FHIT: variants seen among roughly 807,000 people sequenced by gnomAD.
FHIT encodes the protein fragile histidine triad diadenosine triphosphatase.
In FHIT, 19 loss-of-function variants were observed where a neutral mutation model predicts 17.9. The ratio of observed to expected loss-of-function variants is 1.06; its 90% CI spans 0.74 to 1.56. The LOEUF (loss-of-function observed/expected upper bound fraction) is 1.56. FHIT is among the 40% of genes most tolerant of loss of function. The pLI is 0.00. For missense variants in FHIT, 248 were observed against 189.2 expected (o/e 1.31, Z -1.82); for synonymous variants, 81 against 69.7 (o/e 1.16, Z -0.81).
chr3:61,098,987 T>C (rs924957493), intron 2 of FHIT, among the ~76,000 whole-genome samples: 1 of 152,226 alleles, frequency 6.6e-6, no homozygotes, highest in Middle Eastern at 3.2e-3. Context: ...AGGGCATCGT[T>C]GTCTTATGCT....
In FHIT at chr3:60,002,791, C is replaced by T. The variant is rs540153227; in HGVS notation, c.279+8580G>A. Among the ~76,000 whole-genome samples the T allele has an allele frequency of 8.5e-5, 13 of 152,190 alleles. 1 individual carries two copies. Among genetic ancestry groups the T allele is most frequent in the East Asian group, 7.7e-4 (4 of 5,176 alleles). On this transcript the variant is annotated intron_variant, in intron 7 of 9. Transcript: ENST00000492590. ...CTTTGGCATAAAGGGTAAAGAGAAG[C>T]GCCTGAGGGGACTGAATAATTTGAG...
intron 2 of FHIT, among the ~76,000 whole-genome samples, chr3:61,155,964 G>T (rs2037522651): frequency 6.6e-6 from 1 of 152,112 alleles, no homozygotes; most frequent in African/African-American, 2.4e-5. Context: ...TAAAATGTTG[G>T]TATGTGCTAG....
At chr3:59,978,734 T>C (rs997070948) in intron 7 of FHIT, among the ~76,000 whole-genome samples, 1 of 149,636 alleles carries the variant, frequency 6.7e-6, no homozygotes, top group African/African-American at 2.5e-5. Context: ...TTTCAAAGTG[T>C]CCCTCCTGCC....
At chr3:60,472,188 G>A (rs963983948) in intron 5 of FHIT, among the ~76,000 whole-genome samples, 1 of 151,198 alleles carries the variant, frequency 6.6e-6, no homozygotes, top group Admixed American at 6.6e-5. Flanking sequence ...ACAACAGCAA[G>A]AGGAAAGATA....
At chr3:59,945,443 C>T (rs879743222) in intron 7 of FHIT, among the ~76,000 whole-genome samples, 4 of 151,886 alleles carry the variant, frequency 2.6e-5, no homozygotes, top group Non-Finnish European at 5.9e-5. Context: ...GCATAGTTTG[C>T]AAATATTTTC....
rs151301579 is a variant in FHIT at position 60,407,631 on chromosome 3, C to T, written c.103+129229G>A. 4.0e-3 allele frequency among the ~76,000 whole-genome samples: 606 copies of T among 152,272 alleles called. 2 individuals are homozygous for T. Among genetic ancestry groups the T allele is most frequent in the South Asian group, 0.018 (89 of 4,824 alleles). ...CACAGTTCAAGCGATCCTCCTATCTCGGCCTCCCAAATAGCTGGGATTACA... is the reference window on the plus strand; with the variant it reads ...CACAGTTCAAGCGATCCTCCTATCTTGGCCTCCCAAATAGCTGGGATTACA... On this transcript the variant is annotated intron_variant, in intron 5 of 9. Coordinates refer to ENST00000492590, the MANE Select transcript of FHIT (RefSeq NM_002012.4).
intron 8 of FHIT, among the ~76,000 whole-genome samples, chr3:59,883,724 G>A (rs1703502988): frequency 6.6e-6 from 1 of 152,186 alleles, no homozygotes; most frequent in African/African-American, 2.4e-5. Context: ...GTGACATCAG[G>A]TTTGTAGCTT....
chr3:60,737,695 T>A (rs1423120736), intron 4 of FHIT, among the ~76,000 whole-genome samples: 6 of 152,186 alleles, frequency 3.9e-5, no homozygotes. Context: ...GGAACCAGGG[T>A]GGCTTTTCAT....
At chr3:60,113,282 C>A (rs975280314) in intron 5 of FHIT, among the ~76,000 whole-genome samples, 2 of 152,112 alleles carry the variant, frequency 1.3e-5, no homozygotes, top group Non-Finnish European at 2.9e-5. Context: ...AAACACATAC[C>A]AAGCATTCAA....
At chr3:60,592,799 G>A (rs991089941) in intron 4 of FHIT, among the ~76,000 whole-genome samples, 2 of 152,254 alleles carry the variant, frequency 1.3e-5, no homozygotes, top group East Asian at 1.9e-4. Context: ...AAAGGTAAGC[G>A]TCAGAGGTAG....
chr3:60,485,653 G>T (rs1302241131), intron 5 of FHIT, among the ~76,000 whole-genome samples: 3 of 152,042 alleles, frequency 2.0e-5, no homozygotes, highest in Non-Finnish European at 4.4e-5. Context: ...GGCCTGTTGG[G>T]GGTGGGGGGC....
At chr3:61,041,604 A>C (rs888665541) in intron 3 of FHIT, among the ~76,000 whole-genome samples, 1 of 151,714 alleles carries the variant, frequency 6.6e-6, no homozygotes. Flanking sequence ...GCTGATATCT[A>C]CCCTTTCCTC....
At chr3:59,987,677 T>G (rs559741148) in intron 7 of FHIT, among the ~76,000 whole-genome samples, 1 of 152,136 alleles carries the variant, frequency 6.6e-6, no homozygotes, top group East Asian at 1.9e-4. Context: ...ATATGCACTT[T>G]TTTTTCATCA....
intron 8 of FHIT, among the ~76,000 whole-genome samples, chr3:59,889,413 C>T (rs149891012): frequency 1.4e-3 from 215 of 152,342 alleles, no homozygotes; most frequent in Middle Eastern, 0.01. Flanking sequence ...TTCTAGCACA[C>T]GTACCACAGG....
At position 60,603,069 on chromosome 3, in the gene FHIT, G is replaced by T. The variant is rs531149273; in HGVS notation, c.-17-66090C>A. On this transcript the variant is annotated intron_variant, in intron 4 of 9. Transcript: ENST00000492590. Reference sequence around the variant, plus strand: ...CAGCCTGTCAGGGTAAAAATAATATGAGCAACATAGTTTGAAGGTAGTAAG... The same window carrying T: ...CAGCCTGTCAGGGTAAAAATAATATTAGCAACATAGTTTGAAGGTAGTAAG... Among the ~76,000 whole-genome samples the T allele has an allele frequency of 5.3e-5, 8 of 152,240 alleles. No individual in the cohort carries two copies. In the South Asian group the frequency reaches 1.7e-3, roughly 32 times the overall value.
At chr3:61,211,271 G>A (rs1428425148) in intron 1 of FHIT, among the ~76,000 whole-genome samples, 4 of 151,608 alleles carry the variant, frequency 2.6e-5, no homozygotes, top group South Asian at 2.1e-4. Flanking sequence ...GGTGACAGAC[G>A]GCACCTGGAA....
intron 8 of FHIT, among the ~76,000 whole-genome samples, chr3:59,827,319 C>T (rs1575557406): frequency 2.0e-5 from 3 of 152,192 alleles, no homozygotes; most frequent in East Asian, 3.9e-4. Context: ...ATAACACAGG[C>T]CAAGAGAATC....
chr3:60,834,076 T>C (rs1234438658), intron 3 of FHIT, among the ~76,000 whole-genome samples: 3 of 152,330 alleles, frequency 2.0e-5, no homozygotes, highest in Non-Finnish European at 2.9e-5. Flanking sequence ...CTATTACAGA[T>C]AAAGCTCTAT....
chr3:59,899,082 G>C (rs1457830354), intron 8 of FHIT, among the ~76,000 whole-genome samples: 1 of 152,114 alleles, frequency 6.6e-6, no homozygotes, highest in East Asian at 1.9e-4. Context: ...ACTCCTCCAT[G>C]TTCCTCCCAG....
Sources: allele counts gnomAD v4.1 joint callset (sites outside exome capture counted in the v4.1 genomes callset), GRCh38; gene constraint gnomAD v4.1.1; transcripts MANE v1.5; gene names NCBI Gene and HGNC (gene_info 2026-07-23, HGNC 2026-07-21).